The following ANO3 variants were observed in gnomAD, a reference collection of about 807,000 sequenced individuals.
ANO3 encodes anoctamin-3.
In ANO3, 99 loss-of-function variants were observed where a neutral mutation model predicts 144.8. The ratio of observed to expected loss-of-function variants is 0.68; its 90% CI spans 0.58 to 0.81. The LOEUF is 0.81. Ranked by LOEUF, ANO3 falls within the 30% of genes least tolerant of loss-of-function variation. The pLI is 0.00. For missense variants in ANO3, 905 were observed against 1,202.2 expected (o/e 0.75, Z 3.66); for synonymous variants, 414 against 392.6 (o/e 1.05, Z -0.64).
chr11:26,395,914 A>G (rs1167505509), intron 1 of ANO3, among the ~76,000 whole-genome samples: 1 of 152,186 alleles, frequency 6.6e-6, no homozygotes, highest in African/African-American at 2.4e-5. Context: ...CACCAAAAGC[A>G]AGGGCAACAA....
intron 1 of ANO3, among the ~76,000 whole-genome samples, chr11:26,395,313 G>A (rs965776162): frequency 7.9e-5 from 12 of 152,074 alleles, no homozygotes; most frequent in South Asian, 2.1e-4. Flanking sequence ...ATTCTGTGAC[G>A]AAAGTCAGTG....
intron 4 of ANO3, among the ~76,000 whole-genome samples, chr11:26,477,081 C>T (rs72889142): frequency 0.14 from 21,159 of 151,982 alleles, 1,784 homozygotes; most frequent in South Asian, 0.32. Flanking sequence ...TACTCAATCA[C>T]AAGTTGAATT....
chr11:26,559,064 A>G (rs1020326407), intron 13 of ANO3: 6 of 152,170 alleles, frequency 3.9e-5, no homozygotes, highest in African/African-American at 1.2e-4. Context: ...AAAATCAAAC[A>G]ATACAAGCCT....
At chr11:26,281,594 G>T (rs1853680683) in intron 1 of ANO3, among the ~76,000 whole-genome samples, 1 of 152,188 alleles carries the variant, frequency 6.6e-6, no homozygotes, top group African/African-American at 2.4e-5. Context: ...ATTTCTATTT[G>T]TGGAAGTAGG....
chr11:26,412,120 A>G (rs565400028), intron 1 of ANO3, among the ~76,000 whole-genome samples: 1 of 152,194 alleles, frequency 6.6e-6, no homozygotes, highest in Admixed American at 6.6e-5. Context: ...GAGAAATAAG[A>G]GAGTTTTTAT....
intron 1 of ANO3, among the ~76,000 whole-genome samples, chr11:26,310,742 T>C (rs1854485303): frequency 6.6e-6 from 1 of 152,166 alleles, no homozygotes; most frequent in Admixed American, 6.5e-5. Flanking sequence ...ATAAGAATAA[T>C]TTTATTAGTA....
At chr11:26,530,207 T>G (rs1215110858) in intron 7 of ANO3, among the ~76,000 whole-genome samples, 1 of 152,108 alleles carries the variant, frequency 6.6e-6, no homozygotes, top group Non-Finnish European at 1.5e-5. Context: ...CAGCATTACT[T>G]TTATTTTATG....
intron 1 of ANO3, among the ~76,000 whole-genome samples, chr11:26,398,319 G>A: frequency 6.6e-6 from 1 of 152,056 alleles, no homozygotes; most frequent in East Asian, 1.9e-4. Context: ...TATAATCAAG[G>A]AGAATGAGTT....
chr11:26,595,106 C>T (rs1851571095), intron 14 of ANO3, among the ~76,000 whole-genome samples: 1 of 152,164 alleles, frequency 6.6e-6, no homozygotes, highest in Non-Finnish European at 1.5e-5. Flanking sequence ...AGCTTTAGTC[C>T]TAGAGCGTCC....
At chr11:26,216,674 G>C (rs1485131806) in intron 1 of ANO3, among the ~76,000 whole-genome samples, 4 of 151,908 alleles carry the variant, frequency 2.6e-5, no homozygotes, top group Admixed American at 1.3e-4. Context: ...ATTATGCTTA[G>C]CTTTGAAATA....
chr11:26,619,765 C>T (rs918265770), intron 17 of ANO3, among the ~76,000 whole-genome samples: 3 of 152,138 alleles, frequency 2.0e-5, no homozygotes, highest in Non-Finnish European at 4.4e-5. Context: ...CTGCGCCCGG[C>T]CAAAAAACTA....
chr11:26,419,313 G>A (rs1857685621), intron 1 of ANO3, among the ~76,000 whole-genome samples: 2 of 152,094 alleles, frequency 1.3e-5, no homozygotes, highest in South Asian at 2.1e-4. Context: ...TGGGTAGGAC[G>A]CAGATCCAAA....
rs367963423 is a variant in ANO3, at chr11:26,606,167, T to C, written c.1836+6453T>C. On this transcript the variant is annotated intron_variant, in intron 17 of 26. Transcript: ENST00000256737. ...GTTCTCACTGGTTTCAAAGAACTTA[T>C]TTATTTCTGCCTTAATTTTGTTATT... Among the ~76,000 whole-genome samples the C allele has an allele frequency of 1.2e-4, 18 of 152,316 alleles. No homozygotes were observed. The South Asian group carries it at 2.1e-3, about 18-fold the overall frequency.
chr11:26,537,512 T>G (rs759587405), intron 10 of ANO3, 51 bp downstream of exon 10: 2 of 1,432,066 alleles, frequency 1.4e-6, no homozygotes, highest in Non-Finnish European at 2.0e-6. Context: ...TCATGCTCAA[T>G]GCTTGGTCCT....
chr11:26,502,252 CA>C (rs1158948482), intron 4 of ANO3, among the ~76,000 whole-genome samples: 1 of 151,818 alleles, frequency 6.6e-6, no homozygotes, highest in East Asian at 1.9e-4. Context: ...TTAAAATAGC[CA>C]ACATTTTTCT....
intron 1 of ANO3, among the ~76,000 whole-genome samples, chr11:26,270,497 T>C (rs1322707971): frequency 6.6e-6 from 1 of 152,218 alleles, no homozygotes; most frequent in Non-Finnish European, 1.5e-5. Flanking sequence ...TCAAAATCTC[T>C]CTCTTTTTAC....
intron 23 of ANO3, among the ~76,000 whole-genome samples, chr11:26,646,877 G>A (rs549584245): frequency 3.3e-5 from 5 of 151,670 alleles, no homozygotes; most frequent in Admixed American, 6.6e-5. Context: ...GATTTTTATC[G>A]GTTTCTTGTC....
At chr11:26,404,917 C>A (rs1857237416) in intron 1 of ANO3, among the ~76,000 whole-genome samples, 1 of 145,124 alleles carries the variant, frequency 6.9e-6, no homozygotes, top group African/African-American at 2.6e-5. Flanking sequence ...CTAATTTCAG[C>A]AAGGAATTTA....
intron 1 of ANO3, among the ~76,000 whole-genome samples, chr11:26,312,763 G>A (rs1327444052): frequency 6.6e-6 from 1 of 152,166 alleles, no homozygotes; most frequent in Non-Finnish European, 1.5e-5. Context: ...TAGGTAGATT[G>A]TAAAAATTTT....
Sources: gnomAD v4.1 joint callset for allele counts (sites outside exome capture counted in the v4.1 genomes callset) on GRCh38, gnomAD v4.1.1 for gene constraint, MANE v1.5 for transcripts, NCBI Gene and HGNC (gene_info 2026-07-23, HGNC 2026-07-21) for gene names.